The following SLC39A8 variants were observed in gnomAD, a reference collection of about 807,000 sequenced individuals.
SLC39A8 encodes the protein solute carrier family 39 member 8, also known as metal cation symporter ZIP8.
A neutral mutation model predicts 40.4 loss-of-function variants in SLC39A8; 15 were observed. That is an observed-to-expected ratio of 0.37 (90% CI 0.25 to 0.57). The LOEUF is 0.57. SLC39A8 is among the 20% of genes least tolerant of loss of function. SLC39A8 has a pLI of 0.75. For synonymous variants in SLC39A8, 223 were observed against 221.6 expected (o/e 1.01, Z -0.06); for missense variants, 472 against 558.8 (o/e 0.84, Z 1.57).
intron 2 of SLC39A8, among the ~76,000 whole-genome samples, chr4:102,337,202 C>A (rs1735704094): frequency 6.6e-6 from 1 of 150,494 alleles, no homozygotes; most frequent in Non-Finnish European, 1.5e-5. Flanking sequence ...TCCCCCAATC[C>A]CTACTACCAC....
intron 2 of SLC39A8, among the ~76,000 whole-genome samples, chr4:102,332,987 AG>A (rs1735526843): frequency 6.6e-6 from 1 of 152,106 alleles, no homozygotes; most frequent in African/African-American, 2.4e-5. Flanking sequence ...GGACACAGGG[AG>A]GGGAACATCA....
chr4:102,267,687 G>C lies in SLC39A8; in HGVS notation c.1049-13C>G, dbSNP rs775090292. ...ATCACAAAGTCTCCTAGAAGAAGAA[G>C]AAGAAAATATCAAGTGAATAGTTTT... On this transcript the variant is annotated splice_polypyrimidine_tract_variant and intron_variant, in intron 7 of 8. Transcript: ENST00000356736. 1 of 1,568,186 alleles carries C rather than the reference G, an allele frequency of 6.4e-7. No individual in the cohort carries two copies. Among genetic ancestry groups the C allele is most frequent in the East Asian group, 2.2e-5 (1 of 44,492 alleles).
chr4:102,317,297 T>C (rs1358257690), intron 2 of SLC39A8, among the ~76,000 whole-genome samples: 2 of 152,202 alleles, frequency 1.3e-5, no homozygotes, highest in East Asian at 1.9e-4. Context: ...ATCTATGCAG[T>C]TGTCCAACGC....
intron 6 of SLC39A8, among the ~76,000 whole-genome samples, chr4:102,291,689 T>C (rs233806): frequency 0.17 from 25,377 of 151,832 alleles, 2,471 homozygotes; most frequent in Middle Eastern, 0.23. Context: ...TTCTTTGTTA[T>C]GCCCCTAAGG....
intron 6 of SLC39A8, among the ~76,000 whole-genome samples, chr4:102,297,461 G>T (rs1016753193): frequency 6.6e-6 from 1 of 152,088 alleles, no homozygotes; most frequent in Non-Finnish European, 1.5e-5. Context: ...AACATATATA[G>T]TCTTATTTCA....
chr4:102,258,302 A>T (rs1731760237), downstream of SLC39A8, among the ~76,000 whole-genome samples: 1 of 152,058 alleles, frequency 6.6e-6, no homozygotes, highest in African/African-American at 2.4e-5. Flanking sequence ...ATTAACATGC[A>T]GTTCTCACAG....
chr4:102,270,986 C>A (rs1359217515), intron 6 of SLC39A8, among the ~76,000 whole-genome samples: 1 of 150,856 alleles, frequency 6.6e-6, no homozygotes, highest in African/African-American at 2.4e-5. Flanking sequence ...GATGAGGAGG[C>A]CTGGGGGAAT....
chr4:102,265,872 C>G (rs371545354), intron 8 of SLC39A8, among the ~76,000 whole-genome samples: 31 of 152,304 alleles, frequency 2.0e-4, no homozygotes, highest in African/African-American at 7.2e-4. Context: ...TCACCCAACC[C>G]ATTCTTTCAT....
downstream of SLC39A8, chr4:102,259,502 C>G (rs1436849113): frequency 2.6e-6 from 4 of 1,545,158 alleles, no homozygotes; most frequent in African/African-American, 5.5e-5. Flanking sequence ...TCATCAGTAG[C>G]CCATTTGATT....
intron 6 of SLC39A8, among the ~76,000 whole-genome samples, chr4:102,275,179 C>T (rs771033141): frequency 8.6e-5 from 13 of 151,860 alleles, no homozygotes; most frequent in African/African-American, 3.1e-4. Flanking sequence ...GAGTCAAGAC[C>T]GATCAGTGTG....
intron 6 of SLC39A8, among the ~76,000 whole-genome samples, chr4:102,282,942 G>A (rs1732968957): frequency 1.3e-5 from 2 of 152,128 alleles, no homozygotes; most frequent in Non-Finnish European, 2.9e-5. Flanking sequence ...TAGCCGGGAT[G>A]GTCTCGATCT....
At chr4:102,253,949 C>T (rs1731652260) in intron 11 of SLC39A8, among the ~76,000 whole-genome samples, 1 of 152,096 alleles carries the variant, frequency 6.6e-6, no homozygotes, top group Non-Finnish European at 1.5e-5. Context: ...GAACACCTTA[C>T]CCCCAACACA....
chr4:102,291,110 T>G (rs1733420633), intron 6 of SLC39A8, among the ~76,000 whole-genome samples: 1 of 151,876 alleles, frequency 6.6e-6, no homozygotes. Context: ...CTCTTCTCCC[T>G]CATTTTTTTT....
At chr4:102,266,312 G>C (rs866124025) in intron 8 of SLC39A8, among the ~76,000 whole-genome samples, 1 of 152,128 alleles carries the variant, frequency 6.6e-6, no homozygotes, top group South Asian at 2.1e-4. Context: ...CTATAAGATA[G>C]CATGAGACAT....
chr4:102,334,255 A>G (rs1735580524), intron 2 of SLC39A8, among the ~76,000 whole-genome samples: 1 of 152,198 alleles, frequency 6.6e-6, no homozygotes, highest in African/African-American at 2.4e-5. Flanking sequence ...GATTAAAGTT[A>G]GCCCAAGGAA....
Position 102,331,005 on chromosome 4 carries a change from C to T in SLC39A8, c.219+13439G>A, listed in dbSNP as rs569720851. Among the ~76,000 whole-genome samples, 54 of 152,248 alleles carry T rather than the reference C, an allele frequency of 3.5e-4. 2 individuals are homozygous for T. Among genetic ancestry groups the T allele is most frequent in the Middle Eastern group, 6.8e-3 (2 of 294 alleles). On this transcript the variant is annotated intron_variant, in intron 2 of 8. Coordinates refer to ENST00000356736, the MANE Select transcript of SLC39A8 (RefSeq NM_001135146.2). The stretch of plus-strand genomic sequence containing the variant: ...CATGCTAAAAACGCTCAATAAACTA[C>T]GTATTGATGGGATGTATCTCAAAAT...
Position 102,338,079 on chromosome 4 carries a change from C to T in SLC39A8, c.219+6365G>A, listed in dbSNP as rs541294208. ...ACTAGTAGCAGATGTTTTCTAGTAT[C>T]CATGTGACAATCATATATGGCCTTG... On this transcript the variant is annotated intron_variant, in intron 2 of 8. Transcript: ENST00000356736. Among the ~76,000 whole-genome samples, 11 of 152,276 alleles carry T rather than the reference C, an allele frequency of 7.2e-5. No individual in the cohort carries two copies. The South Asian group carries it at 2.1e-3, about 29-fold the overall frequency.
At chr4:102,323,328 A>G (rs1300372105) in intron 2 of SLC39A8, among the ~76,000 whole-genome samples, 1 of 152,238 alleles carries the variant, frequency 6.6e-6, no homozygotes, top group South Asian at 2.1e-4. Flanking sequence ...ATCATTCAGC[A>G]TAGAAAGGAG....
At chr4:102,256,912 G>T (rs943724760), downstream of SLC39A8, among the ~76,000 whole-genome samples, 24 of 152,288 alleles carry the variant, frequency 1.6e-4, no homozygotes, top group African/African-American at 5.8e-4. Flanking sequence ...CTACATGAAC[G>T]CAGGGCTGAA....
Sources: allele counts gnomAD v4.1 joint callset (sites outside exome capture counted in the v4.1 genomes callset), GRCh38; gene constraint gnomAD v4.1.1; transcripts MANE v1.5; gene names NCBI Gene and HGNC (gene_info 2026-07-23, HGNC 2026-07-21).